Variants in CARMIL1 observed in about 807,000 individuals in gnomAD.
The protein encoded by CARMIL1 is capping protein regulator and myosin 1 linker 1, also known as F-actin-uncapping protein LRRC16A.
Under a neutral mutation model 177.1 loss-of-function variants are expected in CARMIL1, and 90 were observed. The ratio of observed to expected loss-of-function variants is 0.51; its 90% confidence interval spans 0.43 to 0.61. The LOEUF is 0.61. Among genes scored for constraint, CARMIL1 ranks in the 20% least tolerant of loss-of-function variants. CARMIL1 has a pLI of 0.00. For synonymous variants in CARMIL1, 577 were observed against 606.2 expected, an observed-to-expected ratio of 0.95 and a Z score of 0.71; for missense variants, 1,380 against 1,667.0, an observed-to-expected ratio of 0.83 and a Z score of 3.00.
In CARMIL1 at chr6:25,400,802, A is replaced by G. The variant is rs148707826; in HGVS notation, c.139-19312A>G. On this transcript the variant is annotated intron_variant, in intron 2 of 36. Coordinates refer to ENST00000329474, the MANE Select transcript of CARMIL1 (RefSeq NM_017640.6). ...CTCTATGTTAGCACTTCAAAAACCA[A>G]TTGTTCCTAGAATCTTCAGTGTCAT... 4.6e-5 allele frequency among the ~76,000 whole-genome samples: 7 copies of G among 152,138 alleles called. No individual in the cohort carries two copies. The East Asian group carries it at 9.7e-4, about 21-fold the overall frequency.
chr6:25,442,829 T>C (rs1318040787), intron 5 of CARMIL1, among the ~76,000 whole-genome samples: 2 of 152,214 alleles, frequency 1.3e-5, no homozygotes, highest in African/African-American at 2.4e-5. Context: ...CCCTAGCTGC[T>C]GCCTCCTTTA....
At chr6:25,521,527 T>G (rs1218437258) in intron 23 of CARMIL1, among the ~76,000 whole-genome samples, 1 of 152,164 alleles carries the variant, frequency 6.6e-6, no homozygotes, top group African/African-American at 2.4e-5. Flanking sequence ...CCCAACACTT[T>G]GGGAGGCTGA....
At chr6:25,525,282 C>T (rs1338461809) in intron 23 of CARMIL1, among the ~76,000 whole-genome samples, 3 of 152,298 alleles carry the variant, frequency 2.0e-5, no homozygotes, top group African/African-American at 7.2e-5. Flanking sequence ...AATTACGTCA[C>T]TCTTTTTGTC....
chr6:25,451,986 G>GGGGGGGGCGGGCC, intron 8 of CARMIL1: 1 of 112,672 alleles, frequency 8.9e-6, no homozygotes, highest in East Asian at 2.0e-4. Flanking sequence ...CTAGCATCTT[G>GGGGGGGGCGGGCC]CCCCCCCCTC....
chr6:25,450,151 A>G (rs1011171986), intron 6 of CARMIL1, among the ~76,000 whole-genome samples, 156 bp downstream of exon 6: 1 of 152,248 alleles, frequency 6.6e-6, no homozygotes, highest in African/African-American at 2.4e-5. Flanking sequence ...CAAAAGTCCT[A>G]TATTTAAGCT....
chr6:25,493,492 C>T (rs1803421357), intron 15 of CARMIL1, among the ~76,000 whole-genome samples: 2 of 152,174 alleles, frequency 1.3e-5, no homozygotes, highest in Non-Finnish European at 2.9e-5. Context: ...CTTTCAGCAA[C>T]AGTGATTTTG....
At chr6:25,443,873 G>A (rs1033715570) in intron 5 of CARMIL1, among the ~76,000 whole-genome samples, 4 of 151,784 alleles carry the variant, frequency 2.6e-5, no homozygotes, top group African/African-American at 9.7e-5. Context: ...GCACGATCTC[G>A]GCTCACTGCA....
chr6:25,562,755 A>G (rs1473808273), intron 29 of CARMIL1, among the ~76,000 whole-genome samples: 1 of 152,174 alleles, frequency 6.6e-6, no homozygotes, highest in Non-Finnish European at 1.5e-5. Context: ...AAGGGAGAAG[A>G]TGGGGCATAC....
intron 24 of CARMIL1, among the ~76,000 whole-genome samples, chr6:25,533,572 A>G (rs748913911): frequency 6.6e-6 from 1 of 152,144 alleles, no homozygotes. Flanking sequence ...CATCATTATT[A>G]TGGACCATCT....
chr6:25,289,533 G>A (rs1436322371), intron 2 of CARMIL1, among the ~76,000 whole-genome samples: 1 of 152,104 alleles, frequency 6.6e-6, no homozygotes, highest in Non-Finnish European at 1.5e-5. Flanking sequence ...GACATTGATT[G>A]ACACTGTAAA....
intron 1 of CARMIL1, among the ~76,000 whole-genome samples, chr6:25,284,020 G>A (rs1485572507): frequency 6.6e-6 from 1 of 151,972 alleles, no homozygotes; most frequent in Non-Finnish European, 1.5e-5. Flanking sequence ...GCCCAGCCCG[G>A]TTCTGTTCTG....
intron 2 of CARMIL1, among the ~76,000 whole-genome samples, chr6:25,291,914 T>G (rs1364627976): frequency 6.6e-6 from 1 of 152,132 alleles, no homozygotes; most frequent in African/African-American, 2.4e-5. Context: ...TCCAAGTAAA[T>G]AGAGACGGTA....
intron 9 of CARMIL1, among the ~76,000 whole-genome samples, chr6:25,466,271 AG>A (rs1378561055): frequency 6.6e-6 from 1 of 152,204 alleles, no homozygotes; most frequent in Non-Finnish European, 1.5e-5. Context: ...TGCAAATAGC[AG>A]ATTTTATATT....
chr6:25,386,012 G>T (rs1484467474), intron 2 of CARMIL1, among the ~76,000 whole-genome samples: 4 of 152,198 alleles, frequency 2.6e-5, no homozygotes, highest in Non-Finnish European at 5.9e-5. Flanking sequence ...TGCAGTTCTT[G>T]CTTTCTCTCA....
chr6:25,619,604 T>C lies in CARMIL1; in HGVS notation c.*21T>C. 3 of 1,610,674 alleles carry C rather than the reference T, an allele frequency of 1.9e-6. No individual in the cohort carries two copies. Among genetic ancestry groups the C allele is most frequent in the Admixed American group, 1.7e-5 (1 of 59,740 alleles). On this transcript the variant is annotated 3_prime_UTR_variant, in exon 37 of 37. Coordinates refer to ENST00000329474, the MANE Select transcript of CARMIL1 (RefSeq NM_017640.6). ...TGTAAAGGTCACCCACGCAGAAGTC[T>C]TCCTGTGCAGGGTGCTTTGGTAGCC...
chr6:25,386,972 A>G (rs1792225309), intron 2 of CARMIL1, among the ~76,000 whole-genome samples: 1 of 152,020 alleles, frequency 6.6e-6, no homozygotes, highest in African/African-American at 2.4e-5. Flanking sequence ...CTCCACAAAA[A>G]TACAAAAATT....
intron 2 of CARMIL1, among the ~76,000 whole-genome samples, chr6:25,379,402 T>C (rs1791317201): frequency 6.6e-6 from 1 of 152,054 alleles, no homozygotes; most frequent in Non-Finnish European, 1.5e-5. Context: ...CCCTCTGGAG[T>C]AGTACAGTTG....
intron 8 of CARMIL1, among the ~76,000 whole-genome samples, chr6:25,464,228 A>G (rs1800397544): frequency 6.6e-6 from 1 of 150,830 alleles, no homozygotes; most frequent in African/African-American, 2.4e-5. Context: ...CACATGACTG[A>G]GCCTGCCTAT....
intron 9 of CARMIL1, among the ~76,000 whole-genome samples, chr6:25,466,971 C>T (rs954102083): frequency 1.8e-4 from 27 of 152,186 alleles, no homozygotes; most frequent in Non-Finnish European, 3.8e-4. Context: ...GCTTCCTGCA[C>T]ACCTGTTATT....
Sources: gnomAD v4.1 joint callset for allele counts (sites outside exome capture counted in the v4.1 genomes callset) on GRCh38, gnomAD v4.1.1 for gene constraint, MANE v1.5 for transcripts, NCBI Gene and HGNC (gene_info 2026-07-23, HGNC 2026-07-21) for gene names.